The following ERI3 variants were observed in gnomAD, a reference collection of about 807,000 sequenced individuals.
ERI3 encodes the protein ERI1 exoribonuclease 3.
Under a neutral mutation model 44.4 loss-of-function variants are expected in ERI3, and 18 were observed. The ratio of observed to expected loss-of-function variants is 0.41; its 90% CI spans 0.28 to 0.60. The LOEUF (loss-of-function observed/expected upper bound fraction) is 0.60. Ranked by LOEUF, ERI3 falls within the 20% of genes least tolerant of loss-of-function variation. The pLI is 0.36. For missense variants in ERI3, 294 were observed against 435.5 expected (o/e 0.68, Z 2.89); for synonymous variants, 183 against 164.8 (o/e 1.11, Z -0.84).
At chr1:44,244,799 T>G (rs1241228895) in intron 8 of ERI3, among the ~76,000 whole-genome samples, 3 of 152,010 alleles carry the variant, frequency 2.0e-5, no homozygotes, top group African/African-American at 4.8e-5. Flanking sequence ...CCCTACAGCC[T>G]GAGCCCCTTC....
At chr1:44,306,360 T>C (rs998631200) in intron 6 of ERI3, among the ~76,000 whole-genome samples, 6 of 152,194 alleles carry the variant, frequency 3.9e-5, no homozygotes, top group Non-Finnish European at 5.9e-5. Context: ...GTTTCATCTA[T>C]AAAAGAAAGA....
chr1:44,273,836 A>G (rs891401052), intron 7 of ERI3, among the ~76,000 whole-genome samples: 9 of 152,232 alleles, frequency 5.9e-5, no homozygotes, highest in Admixed American at 3.9e-4. Context: ...AGAAAAGGGA[A>G]CAGTATATGT....
chr1:44,257,418 G>C (rs930208782), intron 7 of ERI3, among the ~76,000 whole-genome samples: 1 of 151,816 alleles, frequency 6.6e-6, no homozygotes, highest in African/African-American at 2.4e-5. Context: ...CAGTGCCTCA[G>C]TCATGGGCAG....
chr1:44,299,079 T>C (rs940709180), intron 6 of ERI3, among the ~76,000 whole-genome samples: 2 of 151,990 alleles, frequency 1.3e-5, no homozygotes, highest in Non-Finnish European at 2.9e-5. Context: ...AGGTTCTTGA[T>C]CTTGACCTGG....
chr1:44,339,440 A>G, intron 2 of ERI3, 118 bp from the exon 3 acceptor site: 1 of 1,113,452 alleles, frequency 9.0e-7, no homozygotes, highest in Non-Finnish European at 1.2e-6. Context: ...AGTCTTCAGG[A>G]ATATCCACGC....
chr1:44,233,405 C>T (rs190320541), intron 8 of ERI3, among the ~76,000 whole-genome samples: 1 of 140,734 alleles, frequency 7.1e-6, no homozygotes, highest in Admixed American at 7.1e-5. Context: ...ATGTCACGTT[C>T]TTTTTTTTTT....
chr1:44,280,127 A>G (rs911837440), intron 7 of ERI3, among the ~76,000 whole-genome samples: 1 of 152,200 alleles, frequency 6.6e-6, no homozygotes, highest in Non-Finnish European at 1.5e-5. Flanking sequence ...TCTCATGCCC[A>G]TTTCTATAAG....
chr1:44,331,203 T>C (rs1396134989), intron 3 of ERI3, among the ~76,000 whole-genome samples: 1 of 152,016 alleles, frequency 6.6e-6, no homozygotes, highest in African/African-American at 2.4e-5. Context: ...TCCACACTAA[T>C]CTCAATGTTA....
chr1:44,349,452 C>T (rs927316528), intron 2 of ERI3, among the ~76,000 whole-genome samples: 1 of 152,078 alleles, frequency 6.6e-6, no homozygotes, highest in African/African-American at 2.4e-5. Flanking sequence ...TGAGCCACCA[C>T]GCCTGGCCAG....
intron 2 of ERI3, among the ~76,000 whole-genome samples, chr1:44,345,772 CA>C (rs1646771540): frequency 6.6e-6 from 1 of 152,172 alleles, no homozygotes; most frequent in Admixed American, 6.5e-5. Flanking sequence ...AACAAACTGT[CA>C]AAGGTGAAAG....
At chr1:44,265,633 T>C (rs925956570) in intron 7 of ERI3, among the ~76,000 whole-genome samples, 4 of 151,802 alleles carry the variant, frequency 2.6e-5, no homozygotes, top group South Asian at 2.1e-4. Flanking sequence ...ACCCAAATAT[T>C]GATCACCTGA....
intron 8 of ERI3, among the ~76,000 whole-genome samples, chr1:44,224,753 T>C (rs1643994668): frequency 6.6e-6 from 1 of 152,160 alleles, no homozygotes; most frequent in Non-Finnish European, 1.5e-5. Flanking sequence ...CTCCAAATTC[T>C]GACTTCAGAT....
chr1:44,288,705 C>T (rs890000217), intron 6 of ERI3, among the ~76,000 whole-genome samples: 5 of 152,320 alleles, frequency 3.3e-5, no homozygotes, highest in African/African-American at 1.2e-4. Context: ...GGGCTCTTTA[C>T]AGTCCCTGGG....
At chr1:44,328,357 A>ACT (rs2154330095) in intron 3 of ERI3, among the ~76,000 whole-genome samples, 1 of 152,114 alleles carries the variant, frequency 6.6e-6, no homozygotes, top group African/African-American at 2.4e-5. Context: ...TTGTCAAACC[A>ACT]GTCCCATCAC....
intron 3 of ERI3, among the ~76,000 whole-genome samples, chr1:44,323,984 A>T (rs1309975684): frequency 6.6e-6 from 1 of 152,204 alleles, no homozygotes; most frequent in Non-Finnish European, 1.5e-5. Context: ...AAATTTTAAG[A>T]GCAATGAATG....
At position 44,334,333 on chromosome 1, in the gene ERI3, A is replaced by G. The variant is rs7533069; in HGVS notation, c.489+4712T>C. ...TTAAAGATGCACAATTAAAGATCCC[A>G]CCAAAGCTTTCAGGCTGCTCTCTGG... On this transcript the variant is annotated intron_variant, in intron 3 of 8. Coordinates refer to ENST00000372257, the MANE Select transcript of ERI3 (RefSeq NM_024066.3). 6.2e-3 allele frequency among the ~76,000 whole-genome samples: 941 copies of G among 152,290 alleles called. 17 individuals carry two copies. The highest frequency in any genetic ancestry group is 0.022 in the African/African-American group (898 of 41,546).
intron 7 of ERI3, among the ~76,000 whole-genome samples, chr1:44,272,979 C>A (rs1645117363): frequency 6.6e-6 from 1 of 152,006 alleles, no homozygotes; most frequent in Non-Finnish European, 1.5e-5. Context: ...TCCACCAAGT[C>A]CTGAAGAACG....
At chr1:44,275,632 T>A (rs1645166284) in intron 7 of ERI3, among the ~76,000 whole-genome samples, 2 of 152,196 alleles carry the variant, frequency 1.3e-5, no homozygotes, top group Non-Finnish European at 2.9e-5. Context: ...CTGGTCCTCA[T>A]CCAATCCTCT....
intron 8 of ERI3, chr1:44,244,084 G>A (rs904927411): frequency 6.6e-6 from 1 of 152,342 alleles, no homozygotes; most frequent in African/African-American, 2.4e-5. Context: ...CAAATAATAT[G>A]AGTGCTTACT....
Sources: gnomAD v4.1 joint callset for allele counts (sites outside exome capture counted in the v4.1 genomes callset) on GRCh38, gnomAD v4.1.1 for gene constraint, MANE v1.5 for transcripts, NCBI Gene and HGNC (gene_info 2026-07-23, HGNC 2026-07-21) for gene names.